Variants in PCDH9 observed in about 807,000 individuals in gnomAD.
PCDH9 encodes protocadherin 9.
In PCDH9, 24 loss-of-function variants were observed where a neutral mutation model predicts 70.6. The observed-to-expected ratio is 0.34, with a 90% CI of 0.25 to 0.48. PCDH9 has a LOEUF of 0.48. PCDH9 is among the 20% of genes least tolerant of loss of function. The probability of loss-of-function intolerance (pLI) is 0.99; values close to 1 mark genes in which losing one functional copy is unlikely to be tolerated. For synonymous variants in PCDH9, 562 were observed against 558.5 expected (o/e 1.01, Z -0.09); for missense variants, 1,281 against 1,503.6 (o/e 0.85, Z 2.45).
chr13:66,887,033 TAA>T (rs957622272), intron 3 of PCDH9, among the ~76,000 whole-genome samples: 4 of 102,458 alleles, frequency 3.9e-5, no homozygotes, highest in Non-Finnish European at 5.7e-5. Context: ...ACAAATATAA[TAA>T]CACACACACA....
chr13:66,906,424 T>C (rs918863497), intron 2 of PCDH9, among the ~76,000 whole-genome samples: 1 of 152,206 alleles, frequency 6.6e-6, no homozygotes, highest in African/African-American at 2.4e-5. Context: ...AGTTATAGAA[T>C]TGGACTTAAT....
intron 4 of PCDH9, among the ~76,000 whole-genome samples, chr13:66,521,356 T>G (rs576469450): frequency 6.6e-6 from 1 of 152,252 alleles, no homozygotes; most frequent in South Asian, 2.1e-4. Context: ...TGGGCCATGA[T>G]GAGGTCGGTA....
Position 67,180,015 on chromosome 13 carries a change from T to C in PCDH9, c.3036+45390A>G, listed in dbSNP as rs183511514. ...ATACACTTTTGCATATATAGTCAAT[T>C]CTTCATCTAGATTAGAACTTTTAAA... On this transcript the variant is annotated intron_variant, in intron 2 of 4. Transcript: ENST00000377865. Among the ~76,000 whole-genome samples the C allele has an allele frequency of 4.3e-4, 66 of 152,298 alleles. No homozygotes were observed. In the East Asian group the frequency reaches 6.6e-3, roughly 15 times the overall value.
intron 2 of PCDH9, among the ~76,000 whole-genome samples, chr13:67,043,903 C>G (rs1462266983): frequency 6.6e-6 from 1 of 152,052 alleles, no homozygotes; most frequent in African/African-American, 2.4e-5. Context: ...ATTTTATTCT[C>G]CCTAAACCTC....
chr13:66,773,974 C>T (rs977703579), intron 3 of PCDH9, among the ~76,000 whole-genome samples: 1 of 151,960 alleles, frequency 6.6e-6, no homozygotes, highest in Non-Finnish European at 1.5e-5. Context: ...GACGGAGTTT[C>T]ACCATGTTGG....
intron 3 of PCDH9, among the ~76,000 whole-genome samples, chr13:66,816,665 C>T (rs2080610256): frequency 6.6e-6 from 1 of 152,046 alleles, no homozygotes; most frequent in Non-Finnish European, 1.5e-5. Flanking sequence ...TCTCACACCT[C>T]TAATCTCAGC....
In PCDH9 at chr13:66,727,232, G is replaced by T. The variant is rs76780759; in HGVS notation, c.3139-95821C>A. On this transcript the variant is annotated intron_variant, in intron 3 of 4. Transcript: ENST00000377865. Reference sequence around the variant, plus strand: ...GCTATGATCATGCCACTGCACACCAGCCAGGATGACAGAGTGAGCTCCTGT... The same window carrying T: ...GCTATGATCATGCCACTGCACACCATCCAGGATGACAGAGTGAGCTCCTGT... 8.1e-3 allele frequency among the ~76,000 whole-genome samples: 1,232 copies of T among 152,192 alleles called. 6 individuals carry two copies. The highest frequency in any genetic ancestry group is 0.012 in the Admixed American group (190 of 15,274).
chr13:66,386,166 A>G (rs547578863), intron 4 of PCDH9, among the ~76,000 whole-genome samples: 12 of 152,276 alleles, frequency 7.9e-5, no homozygotes, highest in African/African-American at 2.2e-4. Context: ...GCACTGTTCA[A>G]CAATAATACT....
chr13:66,943,972 A>G (rs2083047280), intron 2 of PCDH9, among the ~76,000 whole-genome samples: 1 of 151,490 alleles, frequency 6.6e-6, no homozygotes, highest in South Asian at 2.1e-4. Flanking sequence ...GTAGCAATTT[A>G]TTTTTCTCAG....
chr13:67,149,403 A>T (rs952589494), intron 2 of PCDH9, among the ~76,000 whole-genome samples: 7 of 152,098 alleles, frequency 4.6e-5, no homozygotes, highest in Non-Finnish European at 7.4e-5. Context: ...CCTACTTTAA[A>T]GGTGTGATGA....
At chr13:66,929,416 C>T (rs554487378) in intron 2 of PCDH9, among the ~76,000 whole-genome samples, 4 of 151,962 alleles carry the variant, frequency 2.6e-5, no homozygotes, top group African/African-American at 7.2e-5. Context: ...CTCCACCTCC[C>T]GGGTTCAAGC....
chr13:66,469,546 G>A (rs2138477352), intron 4 of PCDH9, among the ~76,000 whole-genome samples: 1 of 152,098 alleles, frequency 6.6e-6, no homozygotes, highest in East Asian at 1.9e-4. Context: ...ACCAAATGCT[G>A]CAAAATGGAT....
At chr13:66,362,092 T>C (rs1253435349) in intron 4 of PCDH9, among the ~76,000 whole-genome samples, 1 of 152,218 alleles carries the variant, frequency 6.6e-6, no homozygotes, top group Non-Finnish European at 1.5e-5. Flanking sequence ...ATTACTGATA[T>C]CTAGAGCACT....
chr13:66,508,207 T>C (rs1959278143), intron 4 of PCDH9, among the ~76,000 whole-genome samples: 1 of 152,232 alleles, frequency 6.6e-6, no homozygotes, highest in African/African-American at 2.4e-5. Context: ...CCATTAATAC[T>C]AATAACAAGT....
intron 3 of PCDH9, among the ~76,000 whole-genome samples, chr13:66,870,020 T>A (rs2081646266): frequency 6.6e-6 from 1 of 152,156 alleles, no homozygotes; most frequent in Admixed American, 6.5e-5. Flanking sequence ...TGAATGGTAA[T>A]GTCTAGGTTT....
intron 4 of PCDH9, among the ~76,000 whole-genome samples, chr13:66,409,153 G>T (rs1402911674): frequency 6.7e-6 from 1 of 150,328 alleles, no homozygotes; most frequent in Non-Finnish European, 1.5e-5. Context: ...CAGACTTTGA[G>T]AAATGAAAAA....
intron 3 of PCDH9, among the ~76,000 whole-genome samples, chr13:66,849,428 A>G (rs1300295932): frequency 2.1e-5 from 3 of 143,210 alleles, no homozygotes; most frequent in Non-Finnish European, 1.5e-5. Context: ...ATATGAAAAT[A>G]TATGACTATA....
intron 3 of PCDH9, among the ~76,000 whole-genome samples, chr13:66,870,581 A>G (rs533672434): frequency 6.6e-6 from 1 of 152,336 alleles, no homozygotes; most frequent in East Asian, 1.9e-4. Context: ...GGCAAAGGAC[A>G]TGAACAGACA....
intron 2 of PCDH9, among the ~76,000 whole-genome samples, chr13:66,904,426 T>C (rs2082326827): frequency 1.3e-5 from 2 of 152,044 alleles, no homozygotes; most frequent in Non-Finnish European, 2.9e-5. Flanking sequence ...CAAGCAATAT[T>C]TGTAAGTATT....
Sources: gnomAD v4.1 joint callset for allele counts (sites outside exome capture counted in the v4.1 genomes callset) on GRCh38, gnomAD v4.1.1 for gene constraint, MANE v1.5 for transcripts, NCBI Gene and HGNC (gene_info 2026-07-23, HGNC 2026-07-21) for gene names.